The following KLHDC4 variants were observed in gnomAD, a reference collection of about 807,000 sequenced individuals.
KLHDC4 encodes kelch domain containing 4.
KLHDC4 carries 90 observed loss-of-function variants against 62.4 expected under a neutral mutation model. That is an observed-to-expected ratio of 1.44 (90% CI 1.22 to 1.72). KLHDC4 has a LOEUF of 1.72. Ranked by LOEUF, KLHDC4 falls within the 40% of genes most tolerant of loss-of-function variation. The probability of loss-of-function intolerance (pLI) is 0.00; values close to 1 mark genes in which losing one functional copy is unlikely to be tolerated. For synonymous variants in KLHDC4, 386 were observed against 284.4 expected (o/e 1.36, Z -3.59); for missense variants, 1,025 against 699.7 (o/e 1.47, Z -5.25).
intron 5 of KLHDC4, among the ~76,000 whole-genome samples, chr16:87,737,958 A>C (rs1414298757): frequency 6.6e-6 from 1 of 152,180 alleles, no homozygotes; most frequent in African/African-American, 2.4e-5. Flanking sequence ...ATCCGTCAGC[A>C]AACAGCACAA....
Position 87,756,528 on chromosome 16 carries a change from T to C in KLHDC4, c.192-51A>G, listed in dbSNP as rs1294672393. The stretch of plus-strand genomic sequence containing the variant: ...AGCAAGATCACCCCCGATACCCACC[T>C]GAGCGCTGTCCCCTTCCTCACAGAA... On this transcript the variant is annotated intron_variant, in intron 2 of 11. Transcript: ENST00000270583. The C allele has an allele frequency of 3.7e-6, 5 of 1,335,940 alleles. No individual in the cohort carries two copies. The African/African-American group carries it at 4.3e-5, about 12-fold the overall frequency. The allele number at this position is 1,335,940 out of a possible 1,614,324, so 82.8% of individuals were successfully genotyped here.
chr16:87,706,224 G>C (rs1425190894), downstream of KLHDC4, among the ~76,000 whole-genome samples: 4 of 98,580 alleles, frequency 4.1e-5, no homozygotes, highest in Non-Finnish European at 8.1e-5. Context: ...GCAGCCCTCG[G>C]GGGGGGGTCA....
intron 4 of KLHDC4, among the ~76,000 whole-genome samples, chr16:87,749,031 T>C (rs986337228): frequency 1.3e-5 from 2 of 150,660 alleles, no homozygotes; most frequent in Non-Finnish European, 3.0e-5. Context: ...TAAACCTTCA[T>C]GTATCCCTAG....
At chr16:87,710,095 GAC>G (rs1244521103) in intron 9 of KLHDC4, 2 of 172,048 alleles carry the variant, frequency 1.2e-5, no homozygotes, top group Non-Finnish European at 2.5e-5. Context: ...TCCCAAGCAA[GAC>G]AGACGGTCAG....
chr16:87,729,818 A>G (rs1237664403), intron 6 of KLHDC4, among the ~76,000 whole-genome samples: 1 of 152,156 alleles, frequency 6.6e-6, no homozygotes, highest in Non-Finnish European at 1.5e-5. Context: ...CAACGTCAAC[A>G]TCACCTGGGA....
At chr16:87,708,715 C>A (rs939453639) in intron 10 of KLHDC4, among the ~76,000 whole-genome samples, 1 of 152,238 alleles carries the variant, frequency 6.6e-6, no homozygotes, top group Non-Finnish European at 1.5e-5. Context: ...GGCTGGCCAA[C>A]GGGGCCTCCT....
chr16:87,709,899 C>G, intron 9 of KLHDC4: 1 of 572,142 alleles, frequency 1.7e-6, no homozygotes, highest in South Asian at 2.4e-5. Context: ...GCAGAAAACC[C>G]CCCACTGCGT....
chr16:87,717,780 C>G (rs2037299824), intron 7 of KLHDC4, among the ~76,000 whole-genome samples: 1 of 148,408 alleles, frequency 6.7e-6, no homozygotes, highest in Non-Finnish European at 1.5e-5. Context: ...TATTTGTCAT[C>G]AGAAACTCAA....
intron 5 of KLHDC4, 37 bp from the exon 6 acceptor site, chr16:87,730,681 C>T (rs374728396): frequency 1.3e-6 from 2 of 1,549,222 alleles, no homozygotes; most frequent in East Asian, 2.3e-5. Flanking sequence ...TATCAACCTG[C>T]TTAATTTCTG....
intron 5 of KLHDC4, among the ~76,000 whole-genome samples, chr16:87,744,642 T>C (rs1012093280): frequency 2.7e-5 from 4 of 148,598 alleles, no homozygotes; most frequent in African/African-American, 7.4e-5. Context: ...ACAAAATACA[T>C]GAAAAAAGCA....
At chr16:87,729,521 A>G (rs978180936) in intron 6 of KLHDC4, among the ~76,000 whole-genome samples, 3 of 152,246 alleles carry the variant, frequency 2.0e-5, no homozygotes, top group African/African-American at 7.2e-5. Flanking sequence ...AACTGCACTT[A>G]TGACAGAAAC....
exon 1 of KLHDC4, chr16:87,701,414 G>C: frequency 2.9e-6 from 1 of 342,974 alleles, no homozygotes; most frequent in Non-Finnish European, 5.8e-6. Context: ...TGCTCTTTAA[G>C]TCTGTTTCTT....
chr16:87,750,706 C>A (rs1268715994), intron 4 of KLHDC4, among the ~76,000 whole-genome samples: 1 of 152,214 alleles, frequency 6.6e-6, no homozygotes, highest in East Asian at 1.9e-4. Context: ...GTTCCGCCCG[C>A]CCGCACATAG....
At chr16:87,753,965 C>A (rs1338700576) in intron 4 of KLHDC4, among the ~76,000 whole-genome samples, 1 of 127,244 alleles carries the variant, frequency 7.9e-6, no homozygotes, top group Non-Finnish European at 1.6e-5. Context: ...AGCAAGACAC[C>A]ATCTCAAAAA....
chr16:87,729,728 T>C (rs577534071), intron 6 of KLHDC4, among the ~76,000 whole-genome samples: 7 of 152,272 alleles, frequency 4.6e-5, no homozygotes, highest in Admixed American at 4.6e-4. Context: ...GTGGAGAGTG[T>C]GCTATCACTG....
intron 5 of KLHDC4, chr16:87,742,887 C>G (rs2042438036): frequency 6.6e-6 from 1 of 152,244 alleles, no homozygotes. Flanking sequence ...GAAGGGAAGA[C>G]TCATTCTGCA....
chr16:87,765,488 G>C, intron 1 of KLHDC4: 1 of 500,736 alleles, frequency 2.0e-6, no homozygotes, highest in Non-Finnish European at 3.7e-6. Flanking sequence ...CAGAGGGAGG[G>C]TGGAGGGAGA....
intron 5 of KLHDC4, among the ~76,000 whole-genome samples, chr16:87,745,157 C>A (rs774877949): frequency 1.3e-5 from 2 of 152,200 alleles, no homozygotes; most frequent in Non-Finnish European, 2.9e-5. Flanking sequence ...TGAGCAGGTG[C>A]CACCCACTGA....
At chr16:87,755,409 C>A in intron 3 of KLHDC4, 117 bp from the exon 4 acceptor site, 2 of 590,556 alleles carry the variant, frequency 3.4e-6, no homozygotes, top group Non-Finnish European at 6.1e-6. Flanking sequence ...GAATGTAAAC[C>A]ATACCAGCAC....
Sources: gnomAD v4.1 joint callset for allele counts (sites outside exome capture counted in the v4.1 genomes callset) on GRCh38, gnomAD v4.1.1 for gene constraint, MANE v1.5 for transcripts, NCBI Gene and HGNC (gene_info 2026-07-23, HGNC 2026-07-21) for gene names.